Variants in TUNAR observed in about 807,000 individuals in gnomAD.
The protein encoded by TUNAR is transmembrane neural differentiation associated intracellular calcium regulator.
intron 2 of TUNAR, among the ~76,000 whole-genome samples, chr14:95,883,435 G>A (rs1889014102): frequency 1.3e-5 from 2 of 152,194 alleles, no homozygotes; most frequent in Non-Finnish European, 2.9e-5. Context: ...TCAGACAGAT[G>A]TCAGGGACAA....
At position 95,913,905 on chromosome 14, in the gene TUNAR, G is replaced by A. The variant is rs191565909; in HGVS notation, c.13-8876G>A. ...CAGCCACCACACCCAGCTAATTTTTGTATTTATAGTAGAGACGGGGTTTCA... is the reference window on the plus strand; with the variant it reads ...CAGCCACCACACCCAGCTAATTTTTATATTTATAGTAGAGACGGGGTTTCA... On this transcript the variant is annotated intron_variant, in intron 2 of 2. Coordinates refer to ENST00000678517, the Ensembl canonical transcript of TUNAR. Among the ~76,000 whole-genome samples the A allele has an allele frequency of 8.2e-4, 125 of 152,308 alleles. 1 individual carries two copies. The East Asian group carries it at 0.018, about 22-fold the overall frequency.
At chr14:95,910,284 G>A (rs941780) in intron 2 of TUNAR, among the ~76,000 whole-genome samples, 1 of 152,134 alleles carries the variant, frequency 6.6e-6, no homozygotes, top group Non-Finnish European at 1.5e-5. Flanking sequence ...GGTGGAGGTG[G>A]GCAGATCACT....
intron 2 of TUNAR, among the ~76,000 whole-genome samples, chr14:95,912,644 A>G (rs1889532695): frequency 6.6e-6 from 1 of 152,208 alleles, no homozygotes; most frequent in African/African-American, 2.4e-5. Context: ...CTCTTACAAA[A>G]TTGTTTGAAC....
At chr14:95,901,161 T>TCTGGCTCGGTGTAAGAG (rs1234585683) in intron 2 of TUNAR, among the ~76,000 whole-genome samples, 1 of 152,254 alleles carries the variant, frequency 6.6e-6, no homozygotes, top group Non-Finnish European at 1.5e-5. Flanking sequence ...AGTGCTGTTG[T>TCTGGCTCGGTGTAAGAG]CTGGCTCGGT....
rs1241565959 is a variant in TUNAR at position 95,895,804 on chromosome 14, C to G, written c.12+18627C>G. 6.6e-6 allele frequency: 1 copy of G among 152,374 alleles called. No homozygotes were observed. The highest frequency in any genetic ancestry group is 1.5e-5 in the Non-Finnish European group (1 of 68,160). The allele number at this position is 152,374 out of a possible 1,614,324, so 9.4% of individuals were successfully genotyped here. A position where few individuals can be genotyped will look rare whatever the true frequency, so the allele number is the denominator to read the frequency against. On this transcript the variant is annotated intron_variant, in intron 2 of 2. Coordinates refer to ENST00000678517, the Ensembl canonical transcript of TUNAR. The surrounding 1 kb of genome is among the most constrained non-coding windows in gnomAD (Gnocchi z 4.5). ...GGAACACTCTCCCGCTTCTCTTCCT[C>G]CTTCAGATCTCAGCCCGCTGTCGCC...
chr14:95,898,742 C>A (rs1455959963), intron 2 of TUNAR, among the ~76,000 whole-genome samples: 1 of 152,116 alleles, frequency 6.6e-6, no homozygotes, highest in African/African-American at 2.4e-5. Context: ...TACTAGTATA[C>A]TGAGTGCTGG....
At chr14:95,890,169 G>A (rs755165581) in intron 2 of TUNAR, among the ~76,000 whole-genome samples, 2 of 152,102 alleles carry the variant, frequency 1.3e-5, no homozygotes, top group Non-Finnish European at 2.9e-5. Flanking sequence ...TAAGAAATTG[G>A]CATTTCATGG....
rs576676374 is a variant in TUNAR, at chr14:95,895,836, C to G, written c.12+18659C>G. On this transcript the variant is annotated intron_variant, in intron 2 of 2. Transcript: ENST00000678517. This position sits in a 1 kb window ranked among gnomAD's most constrained non-coding sequence, Gnocchi z 4.5. ...ATCTCAGCCCGCTGTCGCCTTCTCT[C>G]TGACCCTGGTCCCTTCCACTGCAGG... 4 of 152,510 alleles carry G rather than the reference C, an allele frequency of 2.6e-5. No individual in the cohort carries two copies. In the South Asian group the frequency reaches 8.3e-4, roughly 32 times the overall value. The allele number at this position is 152,510 out of a possible 1,614,324, so 9.4% of individuals were successfully genotyped here. A position where few individuals can be genotyped will look rare whatever the true frequency, so the allele number is the denominator to read the frequency against.
chr14:95,892,871 C>T (rs1889204970), intron 2 of TUNAR, among the ~76,000 whole-genome samples: 1 of 152,056 alleles, frequency 6.6e-6, no homozygotes, highest in Admixed American at 6.5e-5. Flanking sequence ...AGTGGCAGGA[C>T]CTGATTGAAG....
At chr14:95,897,768 T>TG (rs1432374740) in intron 2 of TUNAR, among the ~76,000 whole-genome samples, 1 of 152,256 alleles carries the variant, frequency 6.6e-6, no homozygotes, top group African/African-American at 2.4e-5. Flanking sequence ...GTCATTTGCT[T>TG]GGAAGCATGC....
intron 2 of TUNAR, among the ~76,000 whole-genome samples, chr14:95,880,636 A>C (rs1267106007): frequency 6.6e-6 from 1 of 152,190 alleles, no homozygotes; most frequent in East Asian, 1.9e-4. Flanking sequence ...AAGGAAGGGG[A>C]AGTATGTAAT....
At chr14:95,918,090 T>G (rs1041694833) in intron 2 of TUNAR, among the ~76,000 whole-genome samples, 6 of 152,228 alleles carry the variant, frequency 3.9e-5, no homozygotes, top group African/African-American at 1.2e-4. Flanking sequence ...TTGTTGTTTA[T>G]TTTTAATTTT....
At chr14:95,898,267 A>G (rs916232656) in intron 2 of TUNAR, among the ~76,000 whole-genome samples, 1 of 152,076 alleles carries the variant, frequency 6.6e-6, no homozygotes, top group Non-Finnish European at 1.5e-5. Context: ...TTCTTTGTAG[A>G]TTATTTATTC....
At chr14:95,899,634 G>T (rs1013599828) in intron 2 of TUNAR, among the ~76,000 whole-genome samples, 14 of 152,160 alleles carry the variant, frequency 9.2e-5, no homozygotes, top group Admixed American at 6.5e-4. Context: ...TAGATTGAGT[G>T]CCTGGAGAGG....
chr14:95,919,345 GAAAACTGTAAATA>G (rs1229385689), intron 2 of TUNAR, among the ~76,000 whole-genome samples: 1 of 152,212 alleles, frequency 6.6e-6, no homozygotes, highest in East Asian at 1.9e-4. Flanking sequence ...CATTAAAAGA[GAAAACTGTAAATA>G]AAAACTGTAG....
rs717951 is a variant in TUNAR at position 95,894,394 on chromosome 14, G to A, written c.12+17217G>A. Among the ~76,000 whole-genome samples the A allele has an allele frequency of 9.0e-3, 1,375 of 152,266 alleles. 16 individuals are homozygous for A. The highest frequency in any genetic ancestry group is 0.011 in the Non-Finnish European group (764 of 68,014). ...CAAATTAGACAGTCATGCCCTGTTG[G>A]AGCCCAGTGGCTTTTGGGTCCCCGT... On this transcript the variant is annotated intron_variant, in intron 2 of 2. Transcript: ENST00000678517.
intron 2 of TUNAR, among the ~76,000 whole-genome samples, chr14:95,905,549 C>G (rs564312428): frequency 1.3e-5 from 2 of 152,210 alleles, no homozygotes; most frequent in Non-Finnish European, 2.9e-5. Context: ...TGCCCCCTAT[C>G]GGGATTCATG....
intron 2 of TUNAR, among the ~76,000 whole-genome samples, chr14:95,913,939 G>T (rs1165815004): frequency 6.6e-6 from 1 of 152,234 alleles, no homozygotes; most frequent in East Asian, 1.9e-4. Flanking sequence ...CACCATGTTG[G>T]TCAGGATGAT....
intron 2 of TUNAR, among the ~76,000 whole-genome samples, chr14:95,903,578 A>G (rs72700929): frequency 0.015 from 2,276 of 152,342 alleles, 20 homozygotes; most frequent in Non-Finnish European, 0.025. Context: ...GACATTCATA[A>G]AAAGCCCTCT....
Sources: allele counts gnomAD v4.1 joint callset (sites outside exome capture counted in the v4.1 genomes callset), GRCh38; gene constraint gnomAD v4.1.1; non-coding constraint Gnocchi (gnomAD v3.1); transcripts MANE v1.5; gene names NCBI Gene and HGNC (gene_info 2026-07-23, HGNC 2026-07-21).